LARP4B: variants seen among roughly 807,000 people sequenced by gnomAD.
The protein encoded by LARP4B is la-related protein 4B.
A neutral mutation model predicts 89.8 loss-of-function variants in LARP4B; 12 were observed. That is an observed-to-expected ratio of 0.13 (90% CI 0.09 to 0.22). The LOEUF is 0.22. Ranked by LOEUF, LARP4B falls within the 10% of genes least tolerant of loss-of-function variation. LARP4B has a pLI of 1.00. For synonymous variants in LARP4B, 367 were observed against 363.3 expected (o/e 1.01, Z -0.12); for missense variants, 757 against 947.7 (o/e 0.80, Z 2.64).
chr10:902,065 G>T (rs1836359863), intron 1 of LARP4B, among the ~76,000 whole-genome samples: 1 of 152,090 alleles, frequency 6.6e-6, no homozygotes, highest in Admixed American at 6.5e-5. Flanking sequence ...CTGTGACTGG[G>T]TCTACGACAT....
the LARP4B span, among the ~76,000 whole-genome samples, chr10:979,631 CT>C: frequency 6.6e-6 from 1 of 151,944 alleles, no homozygotes; most frequent in South Asian, 2.1e-4. Flanking sequence ...TAACTGGGTC[CT>C]TTGTCATCCT....
chr10:954,283 C>T, the LARP4B span, among the ~76,000 whole-genome samples: 1 of 152,164 alleles, frequency 6.6e-6, no homozygotes, highest in Non-Finnish European at 1.5e-5. The surrounding 1 kb of genome is among the most constrained non-coding windows in gnomAD (Gnocchi z 5.0). Context: ...TGTCCACCAG[C>T]CCGTCTTTTA....
At chr10:986,804 G>C in the LARP4B span, 2 of 152,276 alleles carry the variant, frequency 1.3e-5, no homozygotes, top group African/African-American at 4.8e-5. Flanking sequence ...GCCGGGAGTG[G>C]TGGCAGGTGC....
At chr10:867,286 G>T in intron 3 of LARP4B, among the ~76,000 whole-genome samples, 1 of 152,266 alleles carries the variant, frequency 6.6e-6, no homozygotes, top group East Asian at 1.9e-4. Context: ...TCCTTGTACT[G>T]AATCAGAACA....
At chr10:848,740 G>A (rs1027449853) in intron 5 of LARP4B, among the ~76,000 whole-genome samples, 1 of 152,070 alleles carries the variant, frequency 6.6e-6, no homozygotes, top group Non-Finnish European at 1.5e-5. Context: ...CAGCTGAGAG[G>A]ATCAGCAAGC....
At chr10:941,334 G>A in the LARP4B span, among the ~76,000 whole-genome samples, 33,603 of 146,968 alleles carry the variant, frequency 0.23, 4,557 homozygotes, top group African/African-American at 0.39. Context: ...TTTGTTTTGA[G>A]ACGGAGTTTC....
At chr10:980,974 T>G in the LARP4B span, among the ~76,000 whole-genome samples, 2 of 152,206 alleles carry the variant, frequency 1.3e-5, no homozygotes, top group Admixed American at 1.3e-4. Flanking sequence ...ATTTCTTTGC[T>G]CCCCCATCTG....
intron 3 of LARP4B, among the ~76,000 whole-genome samples, chr10:866,722 T>C (rs146938285): frequency 1.8e-4 from 28 of 152,340 alleles, no homozygotes; most frequent in African/African-American, 6.0e-4. Context: ...CTCATGCACA[T>C]ACTACACGTG....
intron 1 of LARP4B, among the ~76,000 whole-genome samples, chr10:889,774 A>T (rs1164022281): frequency 6.6e-6 from 1 of 152,104 alleles, no homozygotes; most frequent in Non-Finnish European, 1.5e-5. Context: ...AAGTGGTGAA[A>T]CCCCATCTCT....
chr10:846,471 T>C (rs971364691), intron 5 of LARP4B, among the ~76,000 whole-genome samples: 1 of 151,912 alleles, frequency 6.6e-6, no homozygotes. Flanking sequence ...GTGTTCTAAA[T>C]GGGGAGCCTC....
Position 829,592 on chromosome 10 carries a change from T to C in LARP4B, c.918A>G (p.Ala306=). The C allele has an allele frequency of 6.2e-7, 1 of 1,613,926 alleles. No individual in the cohort carries two copies. Among genetic ancestry groups the C allele is most frequent in the East Asian group, 2.2e-5 (1 of 44,876 alleles). ...TAGCTATTGCCTTTGCTTTTATCCG[T>C]GCCTGTTTGAAAATATGTAAGTTTC... ...VKTFQGKPIK[A]RIKAKAIAIN... The change falls in exon 11 of 18, where the codon GCA becomes GCG. Residue 306 remains alanine, a splice_region_variant and synonymous_variant. Coordinates refer to ENST00000316157, the MANE Select transcript of LARP4B (RefSeq NM_015155.3).
Position 814,886 on chromosome 10 carries a change from A to C in LARP4B, c.1821-36T>G. The C allele has an allele frequency of 1.3e-6, 2 of 1,580,688 alleles. No homozygotes were observed. Among genetic ancestry groups the C allele is most frequent in the South Asian group, 2.3e-5 (2 of 87,038 alleles). ...GCCACCCGATATTTGAATCTCATGC[A>C]ACATCACAGGCCATTCAAGTCAGTC... is the stretch of plus-strand genomic sequence containing the variant. On this transcript the variant is annotated intron_variant, in intron 16 of 17. Transcript: ENST00000316157. The surrounding 1 kb of genome is among the most constrained non-coding windows in gnomAD (Gnocchi z 4.4).
chr10:875,910 CA>C (rs1372741479), intron 3 of LARP4B, among the ~76,000 whole-genome samples: 1 of 152,174 alleles, frequency 6.6e-6, no homozygotes, highest in Non-Finnish European at 1.5e-5. Context: ...CATTCCATCC[CA>C]ATACCTCCAA....
the LARP4B span, among the ~76,000 whole-genome samples, chr10:969,372 T>C: frequency 6.6e-6 from 1 of 152,194 alleles, no homozygotes; most frequent in Non-Finnish European, 1.5e-5. Flanking sequence ...GGGCTCTTCT[T>C]GACTTTTATA....
intron 17 of LARP4B, among the ~76,000 whole-genome samples, chr10:813,603 C>T (rs552270823): frequency 3.0e-4 from 45 of 152,104 alleles, no homozygotes; most frequent in Non-Finnish European, 5.1e-4. Flanking sequence ...GACCCTCACA[C>T]GGTACTCAAC....
At chr10:929,852 A>G (rs897208497) in intron 1 of LARP4B, among the ~76,000 whole-genome samples, 46 of 152,240 alleles carry the variant, frequency 3.0e-4, no homozygotes, top group Non-Finnish European at 5.7e-4. Flanking sequence ...AGTTTCAAAG[A>G]TAAGTACACA....
At chr10:925,709 T>G (rs987344830) in intron 1 of LARP4B, among the ~76,000 whole-genome samples, 19 of 152,128 alleles carry the variant, frequency 1.2e-4, no homozygotes, top group African/African-American at 4.6e-4. Flanking sequence ...AATTTTTGTA[T>G]TTTTAGTACA....
chr10:945,585 G>T, the LARP4B span, among the ~76,000 whole-genome samples: 5 of 152,050 alleles, frequency 3.3e-5, no homozygotes, highest in African/African-American at 1.2e-4. Context: ...CTACTCGGGA[G>T]GCTGGGGCAG....
chr10:918,918 A>C (rs1469425406), intron 1 of LARP4B, among the ~76,000 whole-genome samples: 2 of 151,850 alleles, frequency 1.3e-5, no homozygotes, highest in Non-Finnish European at 2.9e-5. Context: ...CTAATAAAAA[A>C]AAATACAAAA....
Sources: gnomAD v4.1 joint callset for allele counts (sites outside exome capture counted in the v4.1 genomes callset) on GRCh38, gnomAD v4.1.1 for gene constraint, Gnocchi (gnomAD v3.1) non-coding constraint, MANE v1.5 for transcripts, NCBI Gene and HGNC (gene_info 2026-07-23, HGNC 2026-07-21) for gene names.